KPNB1: variants seen among roughly 807,000 people sequenced by gnomAD.
The protein encoded by KPNB1 is karyopherin subunit beta 1.
KPNB1 carries 7 observed loss-of-function variants against 113.0 expected under a neutral mutation model. That is an observed-to-expected ratio of 0.06 (90% confidence interval 0.04 to 0.12). The LOEUF (loss-of-function observed/expected upper bound fraction) is 0.12. KPNB1 is among the 10% of genes least tolerant of loss of function. The pLI is 1.00. For synonymous variants in KPNB1, 363 were observed against 378.6 expected (o/e 0.96, Z 0.48); for missense variants, 400 against 1,054.8 (o/e 0.38, Z 8.60).
At chr17:47,674,274 AAG>A (rs1268454336) in intron 14 of KPNB1, among the ~76,000 whole-genome samples, 1 of 152,190 alleles carries the variant, frequency 6.6e-6, no homozygotes, top group Non-Finnish European at 1.5e-5. Flanking sequence ...TTTTATGAAT[AAG>A]AGCTCTAAGG....
chr17:47,678,364 C>T lies in KPNB1; in HGVS notation c.2304C>T (p.Ala768=). Residue 768 remains alanine (A), a synonymous_variant, in exon 19 of 22, where the codon GCC becomes GCT. Coordinates refer to ENST00000290158, the MANE Select transcript of KPNB1 (RefSeq NM_002265.6). The part of the protein sequence containing the change: ...LNELRESCLE[A]YTGIVQGLKG... ...AGCTAAGGGAAAGCTGCTTGGAAGC[C>T]TATACTGGAATCGTCCAGGGATTAA... 2 of 1,614,158 alleles carry T rather than the reference C, an allele frequency of 1.2e-6. No homozygotes were observed. Among genetic ancestry groups the T allele is most frequent in the Non-Finnish European group, 1.7e-6 (2 of 1,180,006 alleles).
intron 3 of KPNB1, among the ~76,000 whole-genome samples, chr17:47,653,426 G>C (rs978752365): frequency 3.3e-5 from 5 of 152,070 alleles, no homozygotes; most frequent in Non-Finnish European, 7.4e-5. Context: ...ACTTGAAGTA[G>C]AGACGGGGTT....
intron 11 of KPNB1, chr17:47,670,307 C>T (rs2030407686): frequency 9.4e-6 from 2 of 213,724 alleles, no homozygotes; most frequent in Non-Finnish European, 1.9e-5. Flanking sequence ...TGGGGCTAAA[C>T]GTCTTTCTGT....
At chr17:47,669,925 A>T (rs1184979947) in intron 11 of KPNB1, 56 bp downstream of exon 11, 1 of 1,298,324 alleles carries the variant, frequency 7.7e-7, no homozygotes, top group Non-Finnish European at 1.1e-6. Context: ...CTGGCAAGAA[A>T]GTAGAAGGTG....
Position 47,650,235 on chromosome 17 carries a change from C to T in KPNB1, c.-10C>T, listed in dbSNP as rs530603353. On this transcript the variant is annotated 5_prime_UTR_variant, in exon 1 of 22. Coordinates refer to ENST00000290158, the MANE Select transcript of KPNB1 (RefSeq NM_002265.6). ...TCTTAGGAGGAGTCGCCGCCGCCGC[C>T]ACCTCCGCCATGGAGCTGATCACCA... 9.8e-5 allele frequency: 155 copies of T among 1,580,978 alleles called. 1 individual carries two copies. The South Asian group carries it at 1.5e-3, about 15-fold the overall frequency.
At chr17:47,664,842 T>C (rs971112139) in intron 8 of KPNB1, among the ~76,000 whole-genome samples, 1 of 152,242 alleles carries the variant, frequency 6.6e-6, no homozygotes, top group Non-Finnish European at 1.5e-5. Context: ...AAAAAAGTTA[T>C]ACTTAATGTT....
intron 5 of KPNB1, among the ~76,000 whole-genome samples, chr17:47,660,764 T>C (rs1446239069): frequency 2.0e-5 from 3 of 152,270 alleles, no homozygotes; most frequent in Admixed American, 6.5e-5. Flanking sequence ...AATTCTCTTA[T>C]ATAAGGAAAC....
Position 47,673,532 on chromosome 17 carries a change from C to G in KPNB1, c.1738C>G (p.Leu580Val), listed in dbSNP as rs781589904. 6.2e-7 allele frequency: 1 copy of G among 1,613,558 alleles called. No homozygotes were observed. Among genetic ancestry groups the G allele is most frequent in the Admixed American group, 1.7e-5 (1 of 60,024 alleles). The change falls in exon 14 of 22, where the codon CTT becomes GTT. Residue 580 changes from leucine to valine, a missense_variant. Transcript: ENST00000290158. Reference protein sequence around the residue: ...STSDRIQFNDLQSLLCATLQN... With the variant: ...STSDRIQFNDVQSLLCATLQN... The stretch of plus-strand genomic sequence containing the variant: ...ATCCGATAGAATCCAGTTCAATGAC[C>G]TTCAGTCTTTACTCTGTGCAACTCT...
rs781126460 is a variant in KPNB1, at chr17:47,665,081, G to C, written c.922G>C (p.Glu308Gln). 11 of 1,614,136 alleles carry C rather than the reference G, an allele frequency of 6.8e-6. No individual in the cohort carries two copies. The South Asian group carries it at 1.1e-4, about 16-fold the overall frequency. Residue 308 changes from glutamate to glutamine, a missense_variant, in exon 9 of 22, where the codon GAG becomes CAG. Physicochemically the swap from Glu to Gln is conservative, Grantham distance 29. Around this residue, in one of 2 missense-constraint regions of KPNB1, gnomAD observed 285 missense variants for 627.0 expected, o/e 0.45. Transcript: ENST00000290158. ...SEAAEQGRPP[E>Q]HTSKFYAKGA... ...GGCAGCAGAACAAGGACGGCCCCCT[G>C]AGCACACCAGCAAGTTTTATGCGAA...
At chr17:47,676,973 G>T (rs1479195581) in intron 16 of KPNB1, 47 bp from the exon 17 acceptor site, 2 of 1,447,238 alleles carry the variant, frequency 1.4e-6, no homozygotes, top group Non-Finnish European at 1.9e-6. Context: ...TCTTGCCCCA[G>T]CAGGCAGCCT....
At chr17:47,664,383 T>G in intron 8 of KPNB1, 114 bp downstream of exon 8, 1 of 695,308 alleles carries the variant, frequency 1.4e-6, no homozygotes, top group South Asian at 1.8e-5. Flanking sequence ...GTATCTCCAT[T>G]GGCAGAGATT....
chr17:47,665,219 GA>G, intron 9 of KPNB1, 61 bp downstream of exon 9: 2 of 1,347,410 alleles, frequency 1.5e-6, no homozygotes, highest in Non-Finnish European at 2.1e-6. Flanking sequence ...GTAAACTGTG[GA>G]AACTTTCCAT....
At chr17:47,660,755 A>G (rs1386394885) in intron 5 of KPNB1, among the ~76,000 whole-genome samples, 1 of 152,230 alleles carries the variant, frequency 6.6e-6, no homozygotes, top group Non-Finnish European at 1.5e-5. Context: ...GATGTTTTGA[A>G]TTCTCTTATA....
intron 2 of KPNB1, 123 bp downstream of exon 2, chr17:47,650,567 C>G: frequency 3.2e-6 from 2 of 616,872 alleles, no homozygotes; most frequent in African/African-American, 1.8e-5. Flanking sequence ...CCCCTCCCCC[C>G]TCCCCCTCCC....
At chr17:47,650,561 T>TCCCCCCTCCCCCCCCC in intron 2 of KPNB1, 117 bp downstream of exon 2, 1 of 403,540 alleles carries the variant, frequency 2.5e-6, no homozygotes, top group African/African-American at 5.5e-5. Context: ...CCCGTCCCCC[T>TCCCCCCTCCCCCCCCC]CCCCCCTCCC....
In KPNB1 at chr17:47,658,635, T is replaced by C; in HGVS notation, c.611T>C (p.Phe204Ser). The change falls in exon 5 of 22, where the codon TTC becomes TCC. Residue 204 changes from phenylalanine to serine, a missense_variant. This residue lies in a region of KPNB1 where 285 missense variants were observed against 627.0 expected (regional missense o/e 0.45). Coordinates refer to ENST00000290158, the MANE Select transcript of KPNB1 (RefSeq NM_002265.6). ...AATGCACTCCTGAACTCATTGGAGT[T>C]CACCAAAGCAAACTTTGATAAAGAG... is the stretch of plus-strand genomic sequence containing the variant. ...ATNALLNSLE[F>S]TKANFDKESE... 1 of 1,613,626 alleles carries C rather than the reference T, an allele frequency of 6.2e-7. No homozygotes were observed. Among genetic ancestry groups the C allele is most frequent in the Non-Finnish European group, 8.5e-7 (1 of 1,179,814 alleles).
intron 10 of KPNB1, 98 bp downstream of exon 10, chr17:47,668,508 T>C: frequency 2.2e-6 from 2 of 906,520 alleles, no homozygotes; most frequent in East Asian, 5.2e-5. Flanking sequence ...AATTGTCATC[T>C]ACAAAGATTA....
In KPNB1 at chr17:47,683,090, TAAAAAAAAAAAAAAAA is replaced by T. The variant is rs1157291179; in HGVS notation, c.*700_*715del. ...GTTTACTGATGCAGCACAAGAGATG[TAAAAAAAAAAAAAAAA>T]AAAAAAAAAAAAACACACACACAGA... On this transcript the variant is annotated 3_prime_UTR_variant, in exon 22 of 22. Transcript: ENST00000290158. The T allele has an allele frequency of 1.7e-4, 3 of 17,256 alleles. No individual in the cohort carries two copies. Among genetic ancestry groups the T allele is most frequent in the East Asian group, 2.2e-3 (1 of 454 alleles). 1.1% of individuals were successfully genotyped at this position (17,256 alleles called of 1,614,324 possible). A position where few individuals can be genotyped will look rare whatever the true frequency, so the allele number is the denominator to read the frequency against.
intron 5 of KPNB1, among the ~76,000 whole-genome samples, chr17:47,658,946 G>T (rs1176539378): frequency 6.6e-6 from 1 of 152,106 alleles, no homozygotes; most frequent in African/African-American, 2.4e-5. Context: ...GGGCATGGTG[G>T]TGCATACTGG....
Sources: gnomAD v4.1 joint callset for allele counts (sites outside exome capture counted in the v4.1 genomes callset) on GRCh38, gnomAD v4.1.1 for gene constraint, gnomAD v4.1.1 regional missense constraint, MANE v1.5 for transcripts, NCBI Gene and HGNC (gene_info 2026-07-23, HGNC 2026-07-21) for gene names.